The following TNS4 variants were observed in gnomAD, a reference collection of about 807,000 sequenced individuals.
TNS4 encodes the protein tensin-4.
TNS4 carries 46 observed loss-of-function variants against 70.4 expected under a neutral mutation model. The observed-to-expected ratio is 0.65, with a 90% CI of 0.52 to 0.84. TNS4 has a LOEUF of 0.84. TNS4 is among the 40% of genes least tolerant of loss of function. The pLI is 0.00. For synonymous variants in TNS4, 390 were observed against 366.6 expected (o/e 1.06, Z -0.73); for missense variants, 863 against 907.0 (o/e 0.95, Z 0.62).
chr17:40,490,883 C>A (rs1777195664), intron 2 of TNS4, among the ~76,000 whole-genome samples: 1 of 152,200 alleles, frequency 6.6e-6, no homozygotes, highest in African/African-American at 2.4e-5. Context: ...GGATGAAATA[C>A]AATAGCCGGG....
At chr17:40,480,514 T>A (rs1381790781) in intron 9 of TNS4, among the ~76,000 whole-genome samples, 186 bp downstream of exon 9, 2 of 151,964 alleles carry the variant, frequency 1.3e-5, no homozygotes, top group African/African-American at 4.8e-5. Flanking sequence ...TGGCCTCTCA[T>A]CTTCTGTTTT....
At chr17:40,480,299 G>A (rs1328810325) in intron 9 of TNS4, among the ~76,000 whole-genome samples, 1 of 152,130 alleles carries the variant, frequency 6.6e-6, no homozygotes, top group Non-Finnish European at 1.5e-5. Flanking sequence ...GCCTCTGGGA[G>A]TGTGGGTCAG....
At chr17:40,492,705 C>A (rs893128374) in intron 2 of TNS4, among the ~76,000 whole-genome samples, 2 of 150,636 alleles carry the variant, frequency 1.3e-5, no homozygotes, top group Non-Finnish European at 2.9e-5. Flanking sequence ...GTAGCCTGGG[C>A]AACATGGTGA....
At chr17:40,480,794 C>G in intron 8 of TNS4, 26 bp from the exon 9 acceptor site, 1 of 1,597,862 alleles carries the variant, frequency 6.3e-7, no homozygotes, top group Non-Finnish European at 8.5e-7. Flanking sequence ...GAAACAGGCC[C>G]CCCAAAGGGG....
chr17:40,495,840 A>G, intron 2 of TNS4, 147 bp downstream of exon 2: 1 of 765,490 alleles, frequency 1.3e-6, no homozygotes, highest in East Asian at 2.9e-5. Flanking sequence ...TGTGTAGCAC[A>G]GAAAACAGAG....
At chr17:40,488,335 A>G (rs901261572) in intron 3 of TNS4, among the ~76,000 whole-genome samples, 6 of 152,218 alleles carry the variant, frequency 3.9e-5, no homozygotes, top group South Asian at 4.1e-4. Context: ...AAAGGTAGCT[A>G]TAAGTCAAGA....
chr17:40,477,878 G>T, intron 12 of TNS4, 149 bp from the exon 13 acceptor site: 1 of 691,476 alleles, frequency 1.4e-6, no homozygotes, highest in Non-Finnish European at 2.4e-6. Context: ...TTATGGTGGG[G>T]CTCCCTGGGG....
intron 8 of TNS4, chr17:40,481,006 T>G: frequency 2.0e-6 from 1 of 508,546 alleles, no homozygotes; most frequent in Non-Finnish European, 3.4e-6. Context: ...CCCCCCCACC[T>G]CTTAGATGGC....
chr17:40,477,954 G>A (rs1436174805), intron 12 of TNS4: 15 of 604,842 alleles, frequency 2.5e-5, no homozygotes, highest in Non-Finnish European at 4.4e-5. Context: ...CCTTTGTTTT[G>A]AGTGAGGGCT....
chr17:40,476,414 GT>G lies in TNS4; in HGVS notation c.*1173del, dbSNP rs2035849227. On this transcript the variant is annotated 3_prime_UTR_variant, in exon 13 of 13. Coordinates refer to ENST00000254051, the MANE Select transcript of TNS4 (RefSeq NM_032865.6). ...TGTGTGTGTGTGTGTGTGTGTGTGT[GT>G]GTGTGTGTGTGTGTTGGAGCGTGGG... 6.8e-6 allele frequency: 1 copy of G among 146,792 alleles called. No individual in the cohort carries two copies. The highest frequency in any genetic ancestry group is 2.9e-5 in the African/African-American group (1 of 34,978). The allele number at this position is 146,792 out of a possible 1,614,324, so 9.1% of individuals were successfully genotyped here. A position where few individuals can be genotyped will look rare whatever the true frequency, so the allele number is the denominator to read the frequency against.
At chr17:40,501,290 T>C (rs1232669664) in intron 1 of TNS4, among the ~76,000 whole-genome samples, 2 of 151,926 alleles carry the variant, frequency 1.3e-5, no homozygotes, top group Non-Finnish European at 2.9e-5. Context: ...CTACTAAACA[T>C]AAGAAAATTA....
chr17:40,485,881 A>G (rs1430252393), intron 4 of TNS4, among the ~76,000 whole-genome samples: 1 of 152,254 alleles, frequency 6.6e-6, no homozygotes, highest in Non-Finnish European at 1.5e-5. Context: ...GTCCTAGGAA[A>G]GCGATCAGGG....
chr17:40,483,805 G>A (rs1420977233), intron 6 of TNS4, among the ~76,000 whole-genome samples: 1 of 152,144 alleles, frequency 6.6e-6, no homozygotes, highest in African/African-American at 2.4e-5. Context: ...AATTGCTCTG[G>A]AGTCATTAAG....
rs186864249 is a variant in TNS4, at chr17:40,493,337, A to T, written c.439+2650T>A. Reference sequence around the variant, plus strand: ...AAAAGTAGGAAGGATGAGATTGTAAAATGGCAGGGGATCCTCCACTCTGAA... The same window carrying T: ...AAAAGTAGGAAGGATGAGATTGTAATATGGCAGGGGATCCTCCACTCTGAA... On this transcript the variant is annotated intron_variant, in intron 2 of 12. Coordinates refer to ENST00000254051, the MANE Select transcript of TNS4 (RefSeq NM_032865.6). Among the ~76,000 whole-genome samples, 25 of 152,332 alleles carry T rather than the reference A, an allele frequency of 1.6e-4. No homozygotes were observed. In the East Asian group the frequency reaches 4.6e-3, roughly 28 times the overall value.
At chr17:40,485,729 T>G (rs1406904589) in intron 4 of TNS4, among the ~76,000 whole-genome samples, 1 of 152,218 alleles carries the variant, frequency 6.6e-6, no homozygotes, top group Non-Finnish European at 1.5e-5. Context: ...ATGTGCGCTT[T>G]GGGATGCCAA....
At position 40,478,331 on chromosome 17, in the gene TNS4, C is replaced by T; in HGVS notation, c.1982G>A (p.Trp661Ter). 6.2e-7 allele frequency: 1 copy of T among 1,609,694 alleles called. No individual in the cohort carries two copies. The highest frequency in any genetic ancestry group is 8.5e-7 in the Non-Finnish European group (1 of 1,178,758). The change falls in exon 12 of 13, where the codon TGG (tryptophan) becomes TAG (stop). Residue 661 changes from tryptophan to a stop codon, truncating the protein, a stop_gained and splice_region_variant. Coordinates refer to ENST00000254051, the MANE Select transcript of TNS4 (RefSeq NM_032865.6). LOFTEE classifies it high-confidence loss of function. ...CCAGGAGGGTTTGCAGTACTTCTGC[C>T]ACCTGTAGGAAAAGAACATGATACC... The part of the protein sequence containing the change: ...FCGMDPEQRK[W>*]QKYCKPSWIF...
At chr17:40,500,821 C>T (rs1005563960) in intron 1 of TNS4, among the ~76,000 whole-genome samples, 39 of 151,918 alleles carry the variant, frequency 2.6e-4, no homozygotes, top group Admixed American at 2.1e-3. Flanking sequence ...CCCGGTGACG[C>T]AGGACGTGGA....
At chr17:40,495,229 C>T (rs148999364) in intron 2 of TNS4, among the ~76,000 whole-genome samples, 3 of 152,302 alleles carry the variant, frequency 2.0e-5, no homozygotes, top group African/African-American at 7.2e-5. Context: ...AGTGTCTCCC[C>T]ACCCTCCATA....
rs1276218773 is a variant in TNS4 at position 40,476,369 on chromosome 17, C to CATGTGT, written c.*1218_*1219insACACAT. 1 of 92,850 alleles carries CATGTGT rather than the reference C, an allele frequency of 1.1e-5. No homozygotes were observed. Among genetic ancestry groups the CATGTGT allele is most frequent in the Non-Finnish European group, 2.1e-5 (1 of 46,944 alleles). The allele number at this position is 92,850 out of a possible 1,614,324, so 5.8% of individuals were successfully genotyped here. On this transcript the variant is annotated 3_prime_UTR_variant, in exon 13 of 13. Coordinates refer to ENST00000254051, the MANE Select transcript of TNS4 (RefSeq NM_032865.6). Reference sequence around the variant, plus strand: ...TTGAAGCCACATAGCAGTAGAGGGGCGTGTGTGTGTGTGTGTGTGTGTGTG... The same window carrying CATGTGT: ...TTGAAGCCACATAGCAGTAGAGGGGCATGTGTGTGTGTGTGTGTGTGTGTGTGTGTG...
Sources: gnomAD v4.1 joint callset for allele counts (sites outside exome capture counted in the v4.1 genomes callset) on GRCh38, gnomAD v4.1.1 for gene constraint, MANE v1.5 for transcripts, NCBI Gene and HGNC (gene_info 2026-07-23, HGNC 2026-07-21) for gene names.